CFAP47: variants seen among roughly 807,000 people sequenced by gnomAD.
The protein encoded by CFAP47 is cilia- and flagella-associated protein 47.
Under a neutral mutation model 148.1 loss-of-function variants are expected in CFAP47, and 29 were observed. That is an observed-to-expected ratio of 0.20 (90% confidence interval 0.15 to 0.27). The LOEUF (loss-of-function observed/expected upper bound fraction) is 0.27. Ranked by LOEUF, CFAP47 falls within the 10% of genes least tolerant of loss-of-function variation. The pLI is 1.00. For missense variants in CFAP47, 1,872 were observed against 1,697.5 expected (o/e 1.10, Z -1.81); for synonymous variants, 664 against 577.3 (o/e 1.15, Z -2.15).
chrX:35,965,932 G>C (rs1465340825), intron 8 of CFAP47, among the ~76,000 whole-genome samples: 1 of 110,530 alleles, frequency 9.0e-6, no homozygotes, highest in African/African-American at 3.3e-5. Context: ...TTCCTTCAGA[G>C]ATTCAACCTT....
At chrX:36,307,732 C>G (rs184346816) in intron 55 of CFAP47, among the ~76,000 whole-genome samples, 677 of 110,740 alleles carry the variant, frequency 6.1e-3, no homozygotes, top group African/African-American at 0.021. Context: ...ATAATACAGG[C>G]GTCTCCATGT....
chrX:36,308,363 G>C (rs1243954372), intron 55 of CFAP47, among the ~76,000 whole-genome samples: 1 of 111,047 alleles, frequency 9.0e-6, no homozygotes, highest in African/African-American at 3.2e-5. Flanking sequence ...CATGCTTTCA[G>C]CTATCAGGTC....
At chrX:36,033,669 A>G (rs1172439608) in intron 23 of CFAP47, among the ~76,000 whole-genome samples, 2 of 111,400 alleles carry the variant, frequency 1.8e-5, no homozygotes, top group Non-Finnish European at 3.8e-5. Context: ...AAGGCTTGGG[A>G]AAAAAATTGG....
chrX:36,035,352 T>A (rs1937325768), intron 23 of CFAP47, among the ~76,000 whole-genome samples: 1 of 111,628 alleles, frequency 9.0e-6, no homozygotes, highest in Non-Finnish European at 1.9e-5. Context: ...TTTCACACAT[T>A]TGTAAGACAG....
At chrX:36,383,572 C>T (rs1032152840) in intron 63 of CFAP47, among the ~76,000 whole-genome samples, 14 of 111,474 alleles carry the variant, frequency 1.3e-4, no homozygotes, top group African/African-American at 2.3e-4. Context: ...TTTACCCAGT[C>T]GTATTATGCT....
At chrX:36,346,626 TC>T (rs1275964942) in intron 57 of CFAP47, among the ~76,000 whole-genome samples, 7 of 111,395 alleles carry the variant, frequency 6.3e-5, no homozygotes, top group Non-Finnish European at 9.4e-5. Flanking sequence ...AAATAAAGAA[TC>T]AAAAATTGCT....
chrX:36,238,712 A>C (rs995270704), intron 48 of CFAP47, among the ~76,000 whole-genome samples: 2 of 111,989 alleles, frequency 1.8e-5, no homozygotes, highest in South Asian at 7.4e-4. Flanking sequence ...ATTATTACTT[A>C]TCTGGTCCGT....
intron 1 of CFAP47, among the ~76,000 whole-genome samples, chrX:35,923,896 T>C (rs1175016596): frequency 4.8e-5 from 4 of 83,764 alleles, no homozygotes; most frequent in Middle Eastern, 4.8e-3. Context: ...TATATATGTG[T>C]ATATATGTAC....
At chrX:36,207,402 A>G (rs782223267) in intron 45 of CFAP47, among the ~76,000 whole-genome samples, 1 of 110,936 alleles carries the variant, frequency 9.0e-6, no homozygotes, top group South Asian at 3.8e-4. Flanking sequence ...TGCAGAAGAC[A>G]GGTAGAAGTA....
At chrX:36,148,901 A>ATGTGTGTGTGTGTG (rs60968920) in intron 36 of CFAP47, among the ~76,000 whole-genome samples, 927 of 92,249 alleles carry the variant, frequency 0.01, 21 homozygotes, top group African/African-American at 0.036. Flanking sequence ...AACTGTATGT[A>ATGTGTGTGTGTGTG]TGTGTGTGTG....
intron 51 of CFAP47, among the ~76,000 whole-genome samples, chrX:36,297,191 T>C (rs1941250958): frequency 8.9e-6 from 1 of 111,959 alleles, no homozygotes; most frequent in Non-Finnish European, 1.9e-5. Context: ...ACACTAAATG[T>C]TGTTTCCATT....
chrX:35,966,008 G>C (rs947109661), intron 8 of CFAP47, among the ~76,000 whole-genome samples: 4 of 109,571 alleles, frequency 3.7e-5, no homozygotes, highest in Non-Finnish European at 7.6e-5. Flanking sequence ...TATCTGAAAG[G>C]ACTACATTTT....
intron 39 of CFAP47, among the ~76,000 whole-genome samples, chrX:36,176,494 T>C (rs1289190617): frequency 8.9e-6 from 1 of 112,656 alleles, no homozygotes; most frequent in African/African-American, 3.2e-5. Context: ...AAGACAAAAT[T>C]TGAGGCCCAC....
intron 55 of CFAP47, among the ~76,000 whole-genome samples, chrX:36,308,530 G>A (rs937100562): frequency 9.0e-6 from 1 of 111,330 alleles, no homozygotes; most frequent in Admixed American, 9.6e-5. Flanking sequence ...TTAATTGAAT[G>A]AACTTTTGAA....
At chrX:36,123,280 A>G (rs1036926343) in intron 33 of CFAP47, among the ~76,000 whole-genome samples, 1 of 111,114 alleles carries the variant, frequency 9.0e-6, no homozygotes, top group Admixed American at 9.5e-5. Context: ...TGCTGTAACC[A>G]CTCCCTAGCT....
intron 22 of CFAP47, among the ~76,000 whole-genome samples, chrX:36,017,925 G>A (rs1393474169): frequency 9.0e-6 from 1 of 110,728 alleles, no homozygotes; most frequent in Non-Finnish European, 1.9e-5. Context: ...TTTTGATAGG[G>A]ATTAGATTGA....
At chrX:36,175,564 A>C (rs1003476532) in intron 39 of CFAP47, among the ~76,000 whole-genome samples, 1 of 111,721 alleles carries the variant, frequency 9.0e-6, no homozygotes, top group African/African-American at 3.3e-5. Flanking sequence ...GGCCGTGTGA[A>C]GTGTCAGTCT....
chrX:35,969,167 A>G (rs1033044444), intron 10 of CFAP47, among the ~76,000 whole-genome samples: 1 of 111,397 alleles, frequency 9.0e-6, no homozygotes, highest in Non-Finnish European at 1.9e-5. Context: ...TTCTCAATGA[A>G]CACTTTTTCA....
intron 49 of CFAP47, among the ~76,000 whole-genome samples, chrX:36,276,420 C>CT (rs1556002695): frequency 1.8e-5 from 2 of 111,652 alleles, no homozygotes; most frequent in African/African-American, 3.3e-5. Flanking sequence ...AGAAAAATAT[C>CT]TTTTTTTATT....
Sources: gnomAD v4.1 joint callset for allele counts (sites outside exome capture counted in the v4.1 genomes callset) on GRCh38, gnomAD v4.1.1 for gene constraint, MANE v1.5 for transcripts, NCBI Gene and HGNC (gene_info 2026-07-23, HGNC 2026-07-21) for gene names.